BAZ1B: variants seen among roughly 807,000 people sequenced by gnomAD.
The protein encoded by BAZ1B is bromodomain adjacent to zinc finger domain 1B, also known as tyrosine-protein kinase BAZ1B.
A neutral mutation model predicts 153.8 loss-of-function variants in BAZ1B; 22 were observed. The observed-to-expected ratio is 0.14, with a 90% CI of 0.10 to 0.20. The LOEUF (loss-of-function observed/expected upper bound fraction) is 0.20. Among genes scored for constraint, BAZ1B ranks in the 10% least tolerant of loss-of-function variants. The pLI, the probability that BAZ1B is intolerant of heterozygous loss-of-function variation, is 1.00. For missense variants in BAZ1B, 1,325 were observed against 1,799.3 expected (o/e 0.74, Z 4.77); for synonymous variants, 676 against 633.4 (o/e 1.07, Z -1.01).
intron 4 of BAZ1B, among the ~76,000 whole-genome samples, chr7:73,497,377 C>G (rs782456052): frequency 3.9e-5 from 6 of 152,130 alleles, no homozygotes; most frequent in African/African-American, 7.2e-5. Flanking sequence ...ATAGTACGTA[C>G]TACAGTTCAT....
Position 73,477,950 on chromosome 7 carries a change from C to A in BAZ1B, c.1511G>T (p.Arg504Leu). 1 of 1,614,148 alleles carries A rather than the reference C, an allele frequency of 6.2e-7. No homozygotes were observed. The highest frequency in any genetic ancestry group is 8.5e-7 in the Non-Finnish European group (1 of 1,180,038). Residue 504 changes from arginine (R) to leucine (L), a missense_variant, in exon 7 of 20, where the codon CGT (arginine) becomes CTT (leucine). By Grantham distance (102) the Arg-to-Leu change is moderately radical (BLOSUM62 -2). Transcript: ENST00000339594. This position sits in a 1 kb window ranked among gnomAD's most constrained non-coding sequence, Gnocchi z 5.6. ...AGCTCTATCTTCACTAGAGAGAAGA[C>A]GAGCTGTTTTGGAGATAACACAGGA... is the stretch of plus-strand genomic sequence containing the variant. ...ALSCVISKTA[R>L]LLSSEDRARL...
At chr7:73,516,205 G>T (rs1221833965) in intron 1 of BAZ1B, among the ~76,000 whole-genome samples, 1 of 152,074 alleles carries the variant, frequency 6.6e-6, no homozygotes, top group Non-Finnish European at 1.5e-5. Flanking sequence ...TTTGGAGATG[G>T]TGGTCTCACT....
chr7:73,461,256 G>A lies in BAZ1B; in HGVS notation c.3250-1538C>T, dbSNP rs142845575. On this transcript the variant is annotated intron_variant, in intron 12 of 19. Transcript: ENST00000339594. The stretch of plus-strand genomic sequence containing the variant: ...CTCCTAAAGTGCTGGGATTACAGGC[G>A]TAAGCCACCGCGCCCGCATGAACAA... Among the ~76,000 whole-genome samples the A allele has an allele frequency of 4.8e-3, 737 of 152,202 alleles. 8 individuals are homozygous for A. Among genetic ancestry groups the A allele is most frequent in the African/African-American group, 0.017 (706 of 41,538 alleles).
At chr7:73,481,698 C>A (rs1402350348) in intron 6 of BAZ1B, among the ~76,000 whole-genome samples, 14 of 152,024 alleles carry the variant, frequency 9.2e-5, no homozygotes, top group African/African-American at 3.1e-4. Context: ...GAGTTCCAGG[C>A]AACTGCAGGT....
chr7:73,502,705 G>C (rs942541463), intron 3 of BAZ1B, among the ~76,000 whole-genome samples: 3 of 152,140 alleles, frequency 2.0e-5, no homozygotes, highest in Admixed American at 2.0e-4. Context: ...TTGAGCCTGG[G>C]AAGTGGAGGT....
chr7:73,443,931 G>A (rs1583880877), intron 17 of BAZ1B, 53 bp downstream of exon 17: 1 of 1,608,516 alleles, frequency 6.2e-7, no homozygotes, highest in African/African-American at 1.3e-5. Flanking sequence ...TAATTGCTGG[G>A]GTAGGGAATA....
At chr7:73,507,093 T>C (rs1185640168) in intron 3 of BAZ1B, 2 of 151,594 alleles carry the variant, frequency 1.3e-5, no homozygotes, top group Admixed American at 1.3e-4. Context: ...TTAGCCAGGA[T>C]GGTCTCGATC....
chr7:73,462,881 T>A, intron 12 of BAZ1B, 41 bp downstream of exon 12: 1 of 1,598,014 alleles, frequency 6.3e-7, no homozygotes, highest in Non-Finnish European at 8.6e-7. Context: ...TCAGATTGAG[T>A]TGCCATGAGT....
In BAZ1B at chr7:73,522,239, T is replaced by C. The variant is rs1554580392; in HGVS notation, c.-306A>G. The C allele has an allele frequency of 1.0e-5, 4 of 381,060 alleles. No individual in the cohort carries two copies. Among genetic ancestry groups the C allele is most frequent in the East Asian group, 7.5e-5 (2 of 26,780 alleles). 23.6% of individuals were successfully genotyped at this position (381,060 alleles called of 1,614,324 possible). The stretch of plus-strand genomic sequence containing the variant: ...TCCTCAGCAGCACCGGAGGAAATTA[T>C]TGAAAAATGGCGGGAGATTCCCCTC... On this transcript the variant is annotated 5_prime_UTR_variant, in exon 1 of 20. Transcript: ENST00000339594.
At chr7:73,466,777 T>C (rs887505902) in intron 9 of BAZ1B, among the ~76,000 whole-genome samples, 23 of 152,218 alleles carry the variant, frequency 1.5e-4, no homozygotes, top group Admixed American at 1.0e-3. Flanking sequence ...ATAAATACTA[T>C]AGACTTATCC....
intron 13 of BAZ1B, among the ~76,000 whole-genome samples, chr7:73,456,392 T>C (rs569758777): frequency 2.6e-5 from 4 of 152,284 alleles, no homozygotes; most frequent in African/African-American, 7.2e-5. Context: ...GAGAATATAT[T>C]TGCAAATCAT....
chr7:73,449,925 G>C (rs1787973522), intron 14 of BAZ1B, among the ~76,000 whole-genome samples: 1 of 152,178 alleles, frequency 6.6e-6, no homozygotes, highest in Admixed American at 6.5e-5. Context: ...CTTACCCATG[G>C]CTATGACAGA....
At chr7:73,510,666 T>G in intron 2 of BAZ1B, 70 bp downstream of exon 2, 1 of 1,404,696 alleles carries the variant, frequency 7.1e-7, no homozygotes, top group Non-Finnish European at 1.0e-6. Context: ...CATACTGCTT[T>G]AGGGTTAATA....
In BAZ1B at chr7:73,447,339, C is replaced by A; in HGVS notation, c.3769G>T (p.Asp1257Tyr). Reference protein sequence around the residue: ...EESASEDSEDDESDEEEEEEE... With the variant: ...EESASEDSEDYESDEEEEEEE... Reference sequence around the variant, plus strand: ...TCCTCCTCCTCTTCATCACTCTCATCATCTTCACTGTCCTCAGAAGCAGAC... The same window carrying A: ...TCCTCCTCCTCTTCATCACTCTCATAATCTTCACTGTCCTCAGAAGCAGAC... Residue 1257 changes from aspartate (D) to tyrosine (Y), a missense_variant, in exon 16 of 20, where the codon GAT becomes TAT. Coordinates refer to ENST00000339594, the MANE Select transcript of BAZ1B (RefSeq NM_032408.4). The A allele has an allele frequency of 6.2e-7, 1 of 1,613,604 alleles. No homozygotes were observed. Among genetic ancestry groups the A allele is most frequent in the Non-Finnish European group, 8.5e-7 (1 of 1,179,534 alleles).
chr7:73,465,228 T>C (rs1436561564), intron 11 of BAZ1B, among the ~76,000 whole-genome samples: 14 of 152,134 alleles, frequency 9.2e-5, no homozygotes, highest in Non-Finnish European at 5.9e-5. Context: ...TGCATAATAA[T>C]CCTGCTACTC....
In BAZ1B at chr7:73,442,191, CCT is replaced by C. The variant is rs1554565177; in HGVS notation, c.*3_*4del. 1 of 1,578,388 alleles carries C rather than the reference CCT, an allele frequency of 6.3e-7. No homozygotes were observed. The highest frequency in any genetic ancestry group is 1.4e-5 in the African/African-American group (1 of 73,518). ...CCTCAGCTCCCTTACCACGGCCCTG[CCT>C]CTCTACTTCTTCTGTCTTCGTCCCC... On this transcript the variant is annotated 3_prime_UTR_variant, in exon 19 of 20. Coordinates refer to ENST00000339594, the MANE Select transcript of BAZ1B (RefSeq NM_032408.4).
chr7:73,455,076 C>T (rs1554569355), intron 13 of BAZ1B, among the ~76,000 whole-genome samples: 3 of 151,442 alleles, frequency 2.0e-5, no homozygotes, highest in Admixed American at 1.3e-4. Context: ...TAGAAGAGAC[C>T]GGTTTTCACC....
rs782571399 is a variant in BAZ1B, at chr7:73,444,086, G to A, written c.3888C>T (p.Pro1296=). The change falls in exon 17 of 20, where the codon CCC becomes CCT. Residue 1296 remains proline, a synonymous_variant. Coordinates refer to ENST00000339594, the MANE Select transcript of BAZ1B (RefSeq NM_032408.4). Reference sequence around the variant, plus strand: ...GGCGCCGGCCTGACCTTGCTGCAGGGGGGATGACGCTGTGCTTGCCCCGGA... The same window carrying A: ...GGCGCCGGCCTGACCTTGCTGCAGGAGGGATGACGCTGTGCTTGCCCCGGA... ...KTIRGKHSVI[P]PAARSGRRPG... 2 of 1,612,894 alleles carry A rather than the reference G, an allele frequency of 1.2e-6. No homozygotes were observed. Among genetic ancestry groups the A allele is most frequent in the Middle Eastern group, 1.7e-4 (1 of 6,054 alleles).
At chr7:73,513,349 T>C (rs1214700785) in intron 1 of BAZ1B, among the ~76,000 whole-genome samples, 1 of 152,226 alleles carries the variant, frequency 6.6e-6, no homozygotes, top group African/African-American at 2.4e-5. Context: ...ATAGTAACTT[T>C]ATGCAATAGT....
Sources: gnomAD v4.1 joint callset for allele counts (sites outside exome capture counted in the v4.1 genomes callset) on GRCh38, gnomAD v4.1.1 for gene constraint, Gnocchi (gnomAD v3.1) non-coding constraint, MANE v1.5 for transcripts, NCBI Gene and HGNC (gene_info 2026-07-23, HGNC 2026-07-21) for gene names.